Variants in GID8 observed in about 807,000 individuals in gnomAD.
The protein encoded by GID8 is glucose-induced degradation protein 8 homolog.
Under a neutral mutation model 27.4 loss-of-function variants are expected in GID8, and 6 were observed. The ratio of observed to expected loss-of-function variants is 0.22; its 90% CI spans 0.12 to 0.43. The LOEUF (loss-of-function observed/expected upper bound fraction) is 0.43, where lower values mean the gene tolerates loss of function less well. GID8 is among the 20% of genes least tolerant of loss of function. The pLI is 1.00. For missense variants in GID8, 173 were observed against 287.6 expected (o/e 0.60, Z 2.88); for synonymous variants, 112 against 109.0 (o/e 1.03, Z -0.17).
chr20:62,943,440 C>T lies in GID8; in HGVS notation c.316-55C>T. On this transcript the variant is annotated intron_variant, in intron 3 of 4. Transcript: ENST00000266069. This position sits in a 1 kb window ranked among gnomAD's most constrained non-coding sequence, Gnocchi z 4.7. ...TTGATTGGGACCTGGTACCACCTGC[C>T]CTAAGTCCCTGGCCTGGGTGTGTGG... The T allele has an allele frequency of 6.7e-7, 1 of 1,498,068 alleles. No homozygotes were observed. Among genetic ancestry groups the T allele is most frequent in the Non-Finnish European group, 9.3e-7 (1 of 1,077,904 alleles). 92.8% of individuals were successfully genotyped at this position (1,498,068 alleles called of 1,614,324 possible). A position where few individuals can be genotyped will look rare whatever the true frequency, so the allele number is the denominator to read the frequency against.
At chr20:62,938,373 C>T (rs1227723668) in intron 1 of GID8, 120 bp downstream of exon 1, 2 of 151,602 alleles carry the variant, frequency 1.3e-5, no homozygotes, top group Non-Finnish European at 2.9e-5. Context: ...CTTGGAAGCG[C>T]CGGCGCTGGC....
chr20:62,943,099 T>G lies in GID8; in HGVS notation c.231T>G (p.Gly77=). 3 of 1,613,974 alleles carry G rather than the reference T, an allele frequency of 1.9e-6. No homozygotes were observed. The highest frequency in any genetic ancestry group is 2.5e-6 in the Non-Finnish European group (3 of 1,179,886). Residue 77 remains glycine, a synonymous_variant, in exon 3 of 5, where the codon GGT becomes GGG. Transcript: ENST00000266069. This position sits in a 1 kb window ranked among gnomAD's most constrained non-coding sequence, Gnocchi z 4.7. The part of the protein sequence containing the change: ...RIKIREMILK[G]QIQEAIALIN... ...AGATCCGGGAGATGATACTGAAAGG[T>G]CAGATTCAGGAGGCCATCGCCTTGA...
rs1346831044 is a variant in GID8 at position 62,943,867 on chromosome 20, G to C, written c.513+175G>C. On this transcript the variant is annotated intron_variant, in intron 4 of 4. Transcript: ENST00000266069. The surrounding 1 kb of genome is among the most constrained non-coding windows in gnomAD (Gnocchi z 4.7). ...TTTTTTTTTTTGGAGGTGAAGTCTT[G>C]TTCTGTCGCCCAGGCTGGAGTGCAG... Among the ~76,000 whole-genome samples the C allele has an allele frequency of 1.6e-5, 2 of 127,686 alleles. No individual in the cohort carries two copies. Among genetic ancestry groups the C allele is most frequent in the African/African-American group, 5.7e-5 (2 of 35,278 alleles). The allele number at this position is 127,686 out of a possible 152,430, so 83.8% of individuals were successfully genotyped here. A position where few individuals can be genotyped will look rare whatever the true frequency, so the allele number is the denominator to read the frequency against.
At position 62,944,790 on chromosome 20, in the gene GID8, A is replaced by T; in HGVS notation, c.565A>T (p.Thr189Ser). The change falls in exon 5 of 5, where the codon ACA (threonine) becomes TCA (serine). Residue 189 changes from threonine (T) to serine (S), a missense_variant. Thr to Ser is a moderately conservative substitution (Grantham distance 58). Transcript: ENST00000266069. ...AVLDYENRESTPKLAKLLKLL... is the reference protein window; with the variant it reads ...AVLDYENRESSPKLAKLLKLL... ...GCTAGATTATGAAAATCGCGAGTCA[A>T]CACCCAAACTGGCAAAATTACTGAA... 2 of 1,614,198 alleles carry T rather than the reference A, an allele frequency of 1.2e-6. No homozygotes were observed. Among genetic ancestry groups the T allele is most frequent in the Non-Finnish European group, 1.7e-6 (2 of 1,180,020 alleles).
rs1425099916 is a variant in GID8, at chr20:62,943,992, C to T, written c.513+300C>T. Among the ~76,000 whole-genome samples the T allele has an allele frequency of 2.0e-5, 3 of 152,116 alleles. No individual in the cohort carries two copies. Among genetic ancestry groups the T allele is most frequent in the African/African-American group, 4.8e-5 (2 of 41,414 alleles). ...CTGGGACTACAGGAGTGTGCCACCACGCCCAGCTAAGTTTTGTATTTTTAG... is the reference window on the plus strand; with the variant it reads ...CTGGGACTACAGGAGTGTGCCACCATGCCCAGCTAAGTTTTGTATTTTTAG... On this transcript the variant is annotated intron_variant, in intron 4 of 4. Coordinates refer to ENST00000266069, the MANE Select transcript of GID8 (RefSeq NM_017896.3). This position sits in a 1 kb window ranked among gnomAD's most constrained non-coding sequence, Gnocchi z 4.7.
rs1039962063 is a variant in GID8, at chr20:62,945,619, C to T, written c.*707C>T. 4 of 1,167,826 alleles carry T rather than the reference C, an allele frequency of 3.4e-6. No homozygotes were observed. The highest frequency in any genetic ancestry group is 2.1e-6 in the Non-Finnish European group (2 of 931,044). The allele number at this position is 1,167,826 out of a possible 1,614,324, so 72.3% of individuals were successfully genotyped here. ...GCAGTTTTGTTGAAAATAAAGGTTT[C>T]TCTTTGATTTCAAGAATGACCAAAA... On this transcript the variant is annotated 3_prime_UTR_variant, in exon 5 of 5. Coordinates refer to ENST00000266069, the MANE Select transcript of GID8 (RefSeq NM_017896.3).
At position 62,943,171 on chromosome 20, in the gene GID8, C is replaced by T. The variant is rs1330168809; in HGVS notation, c.303C>T (p.Tyr101=). ...PELLDTNRYL[Y]FHLQQQHLIE... ...TCTTGGACACAAACCGGTATCTTTACTTCCATTTGCAGGTATGTTTCAGGA... is the reference window on the plus strand; with the variant it reads ...TCTTGGACACAAACCGGTATCTTTATTTCCATTTGCAGGTATGTTTCAGGA... The change falls in exon 3 of 5, where the codon TAC becomes TAT. Residue 101 remains tyrosine, a synonymous_variant. Coordinates refer to ENST00000266069, the MANE Select transcript of GID8 (RefSeq NM_017896.3). This position sits in a 1 kb window ranked among gnomAD's most constrained non-coding sequence, Gnocchi z 4.7. 3.1e-6 allele frequency: 5 copies of T among 1,610,456 alleles called. No homozygotes were observed. The highest frequency in any genetic ancestry group is 1.1e-5 in the South Asian group (1 of 90,994).
chr20:62,945,525 AAT>A lies in GID8; in HGVS notation c.*620_*621del. 9.6e-7 allele frequency: 1 copy of A among 1,041,702 alleles called. No individual in the cohort carries two copies. Among genetic ancestry groups the A allele is most frequent in the Non-Finnish European group, 1.2e-6 (1 of 862,556 alleles). The allele number at this position is 1,041,702 out of a possible 1,614,324, so 64.5% of individuals were successfully genotyped here. On this transcript the variant is annotated 3_prime_UTR_variant, in exon 5 of 5. Transcript: ENST00000266069. ...GGGCTATGTGTTTTTTAATTTTTTA[AAT>A]ATATATTTTGGTGCTGTGTGTGGTA...
chr20:62,945,894 T>G lies in GID8; in HGVS notation c.*982T>G, dbSNP rs2065464364. Reference sequence around the variant, plus strand: ...CCTCAGTGATCTGCCCTCCAGCATCTCGGCAGCATCTCATCCTCCATCGTC... The same window carrying G: ...CCTCAGTGATCTGCCCTCCAGCATCGCGGCAGCATCTCATCCTCCATCGTC... On this transcript the variant is annotated 3_prime_UTR_variant, in exon 5 of 5. Coordinates refer to ENST00000266069, the MANE Select transcript of GID8 (RefSeq NM_017896.3). 1 of 1,289,426 alleles carries G rather than the reference T, an allele frequency of 7.8e-7. No individual in the cohort carries two copies. Among genetic ancestry groups the G allele is most frequent in the African/African-American group, 1.5e-5 (1 of 65,886 alleles). The allele number at this position is 1,289,426 out of a possible 1,614,324, so 79.9% of individuals were successfully genotyped here.
intron 4 of GID8, among the ~76,000 whole-genome samples, 165 bp from the exon 5 acceptor site, chr20:62,944,574 T>A (rs971006686): frequency 1.3e-5 from 2 of 152,230 alleles, no homozygotes; most frequent in Non-Finnish European, 2.9e-5. Flanking sequence ...CATGTGACGT[T>A]TAACAACCAG....
At chr20:62,941,769 T>C in intron 2 of GID8, 149 bp downstream of exon 2, 2 of 623,474 alleles carry the variant, frequency 3.2e-6, no homozygotes, top group African/African-American at 1.8e-5. Context: ...AGTTTGGAAG[T>C]TATCATGTGA....
chr20:62,945,703 C>G lies in GID8; in HGVS notation c.*791C>G, dbSNP rs1178262892. On this transcript the variant is annotated 3_prime_UTR_variant, in exon 5 of 5. Transcript: ENST00000266069. ...CCTTTTGTCTTTGGGGCGTTCTTCC[C>G]CCTGTGATAGCGGCAGTGGCTTTTT... The G allele has an allele frequency of 1.7e-6, 2 of 1,193,422 alleles. No individual in the cohort carries two copies. Among genetic ancestry groups the G allele is most frequent in the East Asian group, 5.9e-5 (1 of 16,936 alleles). 73.9% of individuals were successfully genotyped at this position (1,193,422 alleles called of 1,614,324 possible). A position where few individuals can be genotyped will look rare whatever the true frequency, so the allele number is the denominator to read the frequency against.
chr20:62,941,364 C>T (rs978800596), intron 1 of GID8, 127 bp from the exon 2 acceptor site: 2 of 620,472 alleles, frequency 3.2e-6, no homozygotes, highest in African/African-American at 3.7e-5. Context: ...GTGGGTGTCC[C>T]ACGGCAGCGT....
intron 1 of GID8, chr20:62,938,871 C>G (rs1232858892): frequency 1.3e-5 from 2 of 152,116 alleles, no homozygotes; most frequent in African/African-American, 2.4e-5. Flanking sequence ...GGGCCGGGCG[C>G]GGTGGCGGAG....
intron 2 of GID8, 129 bp from the exon 3 acceptor site, chr20:62,942,858 G>A (rs2065449430): frequency 6.3e-6 from 4 of 637,196 alleles, no homozygotes; most frequent in Admixed American, 2.7e-5. Flanking sequence ...TATTAATACC[G>A]AGTTCCTGAG....
rs78745194 is a variant in GID8 at position 62,946,479 on chromosome 20, C to T, written c.*1567C>T. ...AGTTGTGTTTTCAAGCCCTCTACTT[C>T]TCTTTCCAGTGGGTAGGAGCTTTTG... On this transcript the variant is annotated 3_prime_UTR_variant, in exon 5 of 5. Transcript: ENST00000266069. 0.016 allele frequency: 2,565 copies of T among 156,614 alleles called. 66 individuals are homozygous for T. The highest frequency in any genetic ancestry group is 0.056 in the African/African-American group (2,343 of 41,606). The allele number at this position is 156,614 out of a possible 1,614,324, so 9.7% of individuals were successfully genotyped here.
intron 1 of GID8, among the ~76,000 whole-genome samples, chr20:62,940,106 T>C (rs7267844): frequency 0.032 from 4,807 of 152,292 alleles, 252 homozygotes; most frequent in African/African-American, 0.11. Flanking sequence ...GCACATGTCA[T>C]GTATTTTGTC....
intron 4 of GID8, among the ~76,000 whole-genome samples, 183 bp from the exon 5 acceptor site, chr20:62,944,556 C>T (rs1005338167): frequency 2.0e-5 from 3 of 152,202 alleles, no homozygotes; most frequent in African/African-American, 7.2e-5. Context: ...TAACTGCCAT[C>T]GAGGTTGCAT....
rs932636616 is a variant in GID8, at chr20:62,943,896, C to T, written c.513+204C>T. ...TGTCGCCCAGGCTGGAGTGCAGTGA[C>T]GAGATCTCTGCTCACTGCAACCCCC... On this transcript the variant is annotated intron_variant, in intron 4 of 4. Coordinates refer to ENST00000266069, the MANE Select transcript of GID8 (RefSeq NM_017896.3). This position sits in a 1 kb window ranked among gnomAD's most constrained non-coding sequence, Gnocchi z 4.7. 4.1e-5 allele frequency among the ~76,000 whole-genome samples: 6 copies of T among 147,866 alleles called. No individual in the cohort carries two copies. Among genetic ancestry groups the T allele is most frequent in the African/African-American group, 7.4e-5 (3 of 40,282 alleles).
Sources: gnomAD v4.1 joint callset for allele counts (sites outside exome capture counted in the v4.1 genomes callset) on GRCh38, gnomAD v4.1.1 for gene constraint, Gnocchi (gnomAD v3.1) non-coding constraint, MANE v1.5 for transcripts, NCBI Gene and HGNC (gene_info 2026-07-23, HGNC 2026-07-21) for gene names.